Variants in KLF12 observed in about 807,000 individuals in gnomAD.
KLF12 encodes the protein KLF transcription factor 12, also known as Krueppel-like factor 12.
In KLF12, 9 loss-of-function variants were observed where a neutral mutation model predicts 37.8. That is an observed-to-expected ratio of 0.24 (90% CI 0.14 to 0.42). The LOEUF (loss-of-function observed/expected upper bound fraction) is 0.42, where lower values mean the gene tolerates loss of function less well. Ranked by LOEUF, KLF12 falls within the 10% of genes least tolerant of loss-of-function variation. The pLI is 1.00. For synonymous variants in KLF12, 208 were observed against 202.1 expected (o/e 1.03, Z -0.25); for missense variants, 411 against 516.0 (o/e 0.80, Z 1.97).
At chr13:73,882,797 G>A (rs1304684595) in intron 3 of KLF12, among the ~76,000 whole-genome samples, 1 of 152,122 alleles carries the variant, frequency 6.6e-6, no homozygotes, top group Non-Finnish European at 1.5e-5. Context: ...GCAATACAAT[G>A]TATTGTACAC....
At chr13:73,946,234 A>G (rs1192258127) in intron 2 of KLF12, among the ~76,000 whole-genome samples, 1 of 152,180 alleles carries the variant, frequency 6.6e-6, no homozygotes, top group African/African-American at 2.4e-5. Flanking sequence ...GGCCCAAGCA[A>G]AAGAGGAGAA....
At chr13:73,829,417 C>T (rs983431390) in intron 4 of KLF12, among the ~76,000 whole-genome samples, 1 of 151,812 alleles carries the variant, frequency 6.6e-6, no homozygotes, top group African/African-American at 2.4e-5. Context: ...TCAGATGTTA[C>T]AAGATAGAGG....
At chr13:73,699,850 A>G (rs1316036096) in intron 7 of KLF12, among the ~76,000 whole-genome samples, 2 of 152,214 alleles carry the variant, frequency 1.3e-5, no homozygotes, top group East Asian at 3.8e-4. Flanking sequence ...GTGGGGAAAC[A>G]GTGCAAGTGA....
At chr13:74,124,587 T>C (rs1237583590) in intron 1 of KLF12, among the ~76,000 whole-genome samples, 1 of 152,188 alleles carries the variant, frequency 6.6e-6, no homozygotes, top group Non-Finnish European at 1.5e-5. Context: ...TAAAGTTGTA[T>C]TCATCAGTCA....
At chr13:73,837,270 A>G (rs1180714249) in intron 4 of KLF12, among the ~76,000 whole-genome samples, 2 of 152,130 alleles carry the variant, frequency 1.3e-5, no homozygotes, top group Non-Finnish European at 2.9e-5. Flanking sequence ...TTAGAACAAT[A>G]CAGACAGCTT....
At chr13:74,122,245 C>G (rs1877671958) in intron 1 of KLF12, among the ~76,000 whole-genome samples, 1 of 151,930 alleles carries the variant, frequency 6.6e-6, no homozygotes, top group South Asian at 2.1e-4. Flanking sequence ...GGACAATAAC[C>G]AATTTTTTTA....
chr13:73,937,200 AAT>A lies in KLF12; in HGVS notation c.123+6779_123+6780del, dbSNP rs1555327327. 5.7e-4 allele frequency among the ~76,000 whole-genome samples: 86 copies of A among 151,726 alleles called. 1 individual carries two copies. In the East Asian group the frequency reaches 0.015, roughly 26 times the overall value. On this transcript the variant is annotated intron_variant, in intron 3 of 7. Transcript: ENST00000377669. ...CGAGACTCCGTCTCAAAAAAAAATA[AAT>A]AAATAAAAAAGGATATTTTTTGTGA... is the stretch of plus-strand genomic sequence containing the variant.
intron 6 of KLF12, among the ~76,000 whole-genome samples, chr13:73,722,182 A>G (rs1319961646): frequency 1.3e-5 from 2 of 152,202 alleles, no homozygotes; most frequent in African/African-American, 2.4e-5. Flanking sequence ...TGTAGGTAGA[A>G]TGACTTCTTT....
At chr13:73,956,395 C>T (rs1285094247) in intron 2 of KLF12, among the ~76,000 whole-genome samples, 1 of 152,176 alleles carries the variant, frequency 6.6e-6, no homozygotes, top group African/African-American at 2.4e-5. Flanking sequence ...TTGACATCTG[C>T]ACTACAGACA....
intron 3 of KLF12, among the ~76,000 whole-genome samples, chr13:73,924,795 A>T (rs1051589544): frequency 1.3e-5 from 2 of 152,232 alleles, no homozygotes; most frequent in Non-Finnish European, 2.9e-5. Context: ...TGAAAAGGTA[A>T]AGTTCCTGAA....
chr13:74,290,489 G>A, the KLF12 span, among the ~76,000 whole-genome samples: 34 of 152,194 alleles, frequency 2.2e-4, no homozygotes, highest in African/African-American at 6.3e-4. Flanking sequence ...ACCCCTCTGC[G>A]TGAAAAGGTT....
chr13:74,060,502 G>GTGTGTGTGCGTC lies in KLF12; in HGVS notation c.-31-65450_-31-65449insGACGCACACACA, dbSNP rs1555336678. On this transcript the variant is annotated intron_variant, in intron 1 of 7. Coordinates refer to ENST00000377669, the MANE Select transcript of KLF12 (RefSeq NM_007249.5). ...CTAGGTTTTGTGTGTGTGTGTGTGT[G>GTGTGTGTGCGTC]TGTGTGTGTGTGTGTGTGTGTGTGT... is the stretch of plus-strand genomic sequence containing the variant. Among the ~76,000 whole-genome samples the GTGTGTGTGCGTC allele has an allele frequency of 4.7e-5, 7 of 150,088 alleles. 1 individual carries two copies. The highest frequency in any genetic ancestry group is 1.2e-4 in the African/African-American group (5 of 40,676).
chr13:74,029,437 A>G (rs937174674), intron 1 of KLF12, among the ~76,000 whole-genome samples: 1 of 152,114 alleles, frequency 6.6e-6, no homozygotes, highest in Non-Finnish European at 1.5e-5. Flanking sequence ...GTTTAAGATC[A>G]TAAAATTGGT....
At chr13:74,021,898 A>G (rs1186501780) in intron 1 of KLF12, among the ~76,000 whole-genome samples, 2 of 152,222 alleles carry the variant, frequency 1.3e-5, no homozygotes, top group Admixed American at 1.3e-4. Context: ...CATAGATCTC[A>G]GAACCAATCT....
intron 1 of KLF12, among the ~76,000 whole-genome samples, chr13:74,092,323 C>A (rs570615112): frequency 4.7e-4 from 69 of 147,674 alleles, no homozygotes; most frequent in Non-Finnish European, 7.8e-4. Context: ...AGTTGGACTT[C>A]ATCAAAATCA....
chr13:73,956,052 T>A (rs184061485), intron 2 of KLF12, among the ~76,000 whole-genome samples: 82 of 152,292 alleles, frequency 5.4e-4, no homozygotes, highest in Admixed American at 1.6e-3. Context: ...GGAGTATTTC[T>A]CCAATTCTAA....
intron 1 of KLF12, among the ~76,000 whole-genome samples, chr13:74,034,074 G>GT (rs1893183317): frequency 6.6e-6 from 1 of 151,418 alleles, no homozygotes; most frequent in South Asian, 2.1e-4. Context: ...TTTTGTTTTT[G>GT]TTTTTTGAGA....
intron 1 of KLF12, among the ~76,000 whole-genome samples, chr13:74,007,555 G>A (rs1679984962): frequency 1.3e-5 from 2 of 152,096 alleles, no homozygotes; most frequent in African/African-American, 2.4e-5. Flanking sequence ...GATTACAGGC[G>A]TGAGCCACCG....
chr13:73,975,564 T>G (rs1264017503), intron 2 of KLF12, among the ~76,000 whole-genome samples: 1 of 152,204 alleles, frequency 6.6e-6, no homozygotes, highest in Admixed American at 6.5e-5. Context: ...GTGCTTTTTA[T>G]ATGCACTCAG....
Sources: allele counts gnomAD v4.1 joint callset (sites outside exome capture counted in the v4.1 genomes callset), GRCh38; gene constraint gnomAD v4.1.1; transcripts MANE v1.5; gene names NCBI Gene and HGNC (gene_info 2026-07-23, HGNC 2026-07-21).